Variants in TPPP observed in about 807,000 individuals in gnomAD.
TPPP encodes tubulin polymerization-promoting protein.
TPPP carries 6 observed loss-of-function variants against 15.5 expected under a neutral mutation model. The observed-to-expected ratio is 0.39, with a 90% confidence interval of 0.21 to 0.77. TPPP has a LOEUF of 0.77. TPPP is among the 30% of genes least tolerant of loss of function. The probability of loss-of-function intolerance (pLI) is 0.42; values close to 1 mark genes in which losing one functional copy is unlikely to be tolerated. For synonymous variants in TPPP, 146 were observed against 133.9 expected, an observed-to-expected ratio of 1.09 and a Z score of -0.63; for missense variants, 269 against 307.2, an observed-to-expected ratio of 0.88 and a Z score of 0.93.
upstream of TPPP, among the ~76,000 whole-genome samples, chr5:694,786 G>C (rs1266041898): frequency 6.2e-5 from 1 of 16,024 alleles, no homozygotes; most frequent in Admixed American, 6.5e-4. Flanking sequence ...CCTCCCCCTC[G>C]GGTAGATCCT....
intron 2 of TPPP, among the ~76,000 whole-genome samples, chr5:673,507 T>TG (rs1740293981): frequency 1.3e-5 from 2 of 151,592 alleles, no homozygotes; most frequent in Non-Finnish European, 2.9e-5. Context: ...CAGGCCGGAG[T>TG]CCCAGTCCTG....
At chr5:697,014 G>C (rs1741025742), upstream of TPPP, among the ~76,000 whole-genome samples, 1 of 143,556 alleles carries the variant, frequency 7.0e-6, no homozygotes, top group South Asian at 2.4e-4. Context: ...GCGTGTGCCT[G>C]TGTGTGCATG....
chr5:678,205 T>G (rs1386262739), intron 1 of TPPP, 141 bp from the exon 2 acceptor site: 5 of 789,400 alleles, frequency 6.3e-6, no homozygotes, highest in Non-Finnish European at 9.9e-6. Context: ...GGGCTGGGCG[T>G]GAGGCCCCTC....
Position 666,000 on chromosome 5 carries a change from C to T in TPPP, c.435G>A (p.Glu145=), listed in dbSNP as rs1739892892. The change falls in exon 3 of 4, where the codon GAG becomes GAA. Residue 145 remains glutamate, a synonymous_variant. Transcript: ENST00000360578. ...CCCCTGAGATGATGGGCGCCTTGCCCTCGATGAGCCTGTGCACCTCGCGAA... is the reference window on the plus strand; with the variant it reads ...CCCCTGAGATGATGGGCGCCTTGCCTTCGATGAGCCTGTGCACCTCGCGAA... The part of the protein sequence containing the change: ...EAVREVHRLI[E]GKAPIISGVT... 2 of 1,606,164 alleles carry T rather than the reference C, an allele frequency of 1.2e-6. No individual in the cohort carries two copies. The highest frequency in any genetic ancestry group is 2.2e-5 in the East Asian group (1 of 44,622).
rs74515000 is a variant in TPPP, at chr5:674,293, G to A, written c.311+3457C>T. On this transcript the variant is annotated intron_variant, in intron 2 of 3. Transcript: ENST00000360578. ...CTGAGGAGCAGCTGCCAGGGCCCAGGAGCACGGGGCTGGGTCCCCTCCAAA... is the reference window on the plus strand; with the variant it reads ...CTGAGGAGCAGCTGCCAGGGCCCAGAAGCACGGGGCTGGGTCCCCTCCAAA... Among the ~76,000 whole-genome samples the A allele has an allele frequency of 1.3e-3, 172 of 131,656 alleles. 1 individual carries two copies. In the East Asian group the frequency reaches 0.026, roughly 20 times the overall value. 86.4% of individuals were successfully genotyped at this position (131,656 alleles called of 152,430 possible).
At chr5:678,846 G>A (rs1740536881) in intron 1 of TPPP, among the ~76,000 whole-genome samples, 1 of 152,334 alleles carries the variant, frequency 6.6e-6, no homozygotes, top group East Asian at 1.9e-4. Flanking sequence ...GTGCCACCCA[G>A]GCAGGGCTTG....
At chr5:694,231 C>T (rs1170680881), upstream of TPPP, among the ~76,000 whole-genome samples, 1 of 151,826 alleles carries the variant, frequency 6.6e-6, no homozygotes, top group Non-Finnish European at 1.5e-5. Context: ...AGTTGGCTCC[C>T]CACAAGGTTC....
chr5:679,137 G>A (rs540343351), intron 1 of TPPP, among the ~76,000 whole-genome samples: 1 of 152,196 alleles, frequency 6.6e-6, no homozygotes, highest in Non-Finnish European at 1.5e-5. Flanking sequence ...AGCCCTCTCA[G>A]ATCTGGAGTT....
chr5:668,760 C>T (rs1351873960), intron 2 of TPPP, among the ~76,000 whole-genome samples: 1 of 152,238 alleles, frequency 6.6e-6, no homozygotes, highest in Non-Finnish European at 1.5e-5. Context: ...CTCGTAGTCA[C>T]CAAACCCCAA....
the TPPP span, among the ~76,000 whole-genome samples, chr5:698,843 G>T: frequency 1.3e-5 from 2 of 151,994 alleles, no homozygotes; most frequent in Non-Finnish European, 2.9e-5. Flanking sequence ...CAAAATTAAT[G>T]TACAGAAATC....
Position 665,182 on chromosome 5 carries a change from C to T in TPPP, c.580G>A (p.Asp194Asn). Residue 194 changes from aspartate to asparagine, a missense_variant, in exon 4 of 4, where the codon GAT (aspartate) becomes AAT (asparagine). Coordinates refer to ENST00000360578, the MANE Select transcript of TPPP (RefSeq NM_007030.3). The part of the protein sequence containing the change: ...GKGKGKAGRV[D>N]LVDESGYVSG... ...ACATAGCCTGACTCGTCCACCAGAT[C>T]CACGCGGCCAGCCTTGCCCTTGCCC... 1 of 1,613,788 alleles carries T rather than the reference C, an allele frequency of 6.2e-7. No individual in the cohort carries two copies. Among genetic ancestry groups the T allele is most frequent in the Non-Finnish European group, 8.5e-7 (1 of 1,179,984 alleles).
chr5:662,632 AAGG>A lies in TPPP; in HGVS notation c.*2467_*2469del, dbSNP rs1385475547. Reference sequence around the variant, plus strand: ...GGGGACTGGGCTGCCCACGGACAGAAAGGAGAAACGCAGCCTGTGACCAGGAGA... The same window carrying A: ...GGGGACTGGGCTGCCCACGGACAGAAAGAAACGCAGCCTGTGACCAGGAGA... On this transcript the variant is annotated 3_prime_UTR_variant, in exon 4 of 4. Coordinates refer to ENST00000360578, the MANE Select transcript of TPPP (RefSeq NM_007030.3). 4 of 152,552 alleles carry A rather than the reference AAGG, an allele frequency of 2.6e-5. No homozygotes were observed. The highest frequency in any genetic ancestry group is 2.6e-4 in the Admixed American group (4 of 15,286). The allele number at this position is 152,552 out of a possible 1,614,324, so 9.4% of individuals were successfully genotyped here. A position where few individuals can be genotyped will look rare whatever the true frequency, so the allele number is the denominator to read the frequency against.
intron 2 of TPPP, among the ~76,000 whole-genome samples, chr5:669,338 G>A (rs1740101827): frequency 6.6e-6 from 1 of 152,190 alleles, no homozygotes; most frequent in Non-Finnish European, 1.5e-5. Flanking sequence ...CGGTGTTGGG[G>A]GTGGATTTAG....
At chr5:672,971 G>A (rs897628938) in intron 2 of TPPP, among the ~76,000 whole-genome samples, 3 of 152,200 alleles carry the variant, frequency 2.0e-5, no homozygotes, top group Non-Finnish European at 2.9e-5. Flanking sequence ...CTGGCGCCAC[G>A]CCGGTGGAGC....
chr5:688,970 G>T (rs1403200242), intron 1 of TPPP, among the ~76,000 whole-genome samples: 72 of 106,290 alleles, frequency 6.8e-4, no homozygotes, highest in African/African-American at 2.2e-3. Flanking sequence ...GGGGCTGGCT[G>T]GGGCCTGGAC....
intron 1 of TPPP, among the ~76,000 whole-genome samples, chr5:686,584 G>A (rs1207136659): frequency 7.1e-6 from 1 of 140,242 alleles, no homozygotes; most frequent in Non-Finnish European, 1.5e-5. Context: ...TGGGCCAATG[G>A]TGGCCCCATC....
At chr5:672,515 G>A (rs536722431) in intron 2 of TPPP, among the ~76,000 whole-genome samples, 36 of 152,242 alleles carry the variant, frequency 2.4e-4, no homozygotes, top group Non-Finnish European at 3.5e-4. Flanking sequence ...TCATCGGCTG[G>A]GTGCCCCCAC....
intron 1 of TPPP, among the ~76,000 whole-genome samples, chr5:679,792 C>T (rs546094783): frequency 1.9e-4 from 29 of 151,158 alleles, no homozygotes; most frequent in African/African-American, 4.1e-4. Flanking sequence ...ACCTGCACCC[C>T]GTGGGGCCCG....
chr5:669,326 C>G (rs946073677), intron 2 of TPPP, among the ~76,000 whole-genome samples: 1 of 151,810 alleles, frequency 6.6e-6, no homozygotes, highest in African/African-American at 2.4e-5. Context: ...CGTGGGGGTC[C>G]GCGGTGTTGG....
Sources: gnomAD v4.1 joint callset for allele counts (sites outside exome capture counted in the v4.1 genomes callset) on GRCh38, gnomAD v4.1.1 for gene constraint, MANE v1.5 for transcripts, NCBI Gene and HGNC (gene_info 2026-07-23, HGNC 2026-07-21) for gene names.